CUL7: variants seen among roughly 807,000 people sequenced by gnomAD.
The protein encoded by CUL7 is cullin-7.
A neutral mutation model predicts 177.7 loss-of-function variants in CUL7; 96 were observed. That is an observed-to-expected ratio of 0.54 (90% CI 0.46 to 0.64). CUL7 has a LOEUF of 0.64. Among genes scored for constraint, CUL7 ranks in the 30% least tolerant of loss-of-function variants. CUL7 has a pLI of 0.00. For missense variants in CUL7, 1,893 were observed against 2,187.9 expected, an observed-to-expected ratio of 0.87 and a Z score of 2.69; for synonymous variants, 824 against 890.2, an observed-to-expected ratio of 0.93 and a Z score of 1.32.
rs1055021161 is a variant in CUL7 at position 43,051,568 on chromosome 6, A to G, written c.732+44T>C. On this transcript the variant is annotated intron_variant, in intron 3 of 25. Transcript: ENST00000265348. The surrounding 1 kb of genome is among the most constrained non-coding windows in gnomAD (Gnocchi z 5.0). ...ATAGGTGCAAAGGCCTGGACCCTAG[A>G]TCTTGTTCACAAGTTCCCCCCACCT... 6.2e-7 allele frequency: 1 copy of G among 1,614,070 alleles called. No individual in the cohort carries two copies. Among genetic ancestry groups the G allele is most frequent in the African/African-American group, 1.3e-5 (1 of 75,032 alleles).
chr6:43,053,664 C>T lies in CUL7; in HGVS notation c.-51G>A. On this transcript the variant is annotated 5_prime_UTR_variant, in exon 1 of 26. It adds an upstream start codon to the 5' untranslated region. Coordinates refer to ENST00000265348, the MANE Select transcript of CUL7 (RefSeq NM_014780.5). This position sits in a 1 kb window ranked among gnomAD's most constrained non-coding sequence, Gnocchi z 4.1. ...GTCCTGGCGCGAGGCCTGTCCTTCA[C>T]AGAGCAAGGGACGCGGCACAGACGC... 7.1e-7 allele frequency: 1 copy of T among 1,399,696 alleles called. No individual in the cohort carries two copies. Among genetic ancestry groups the T allele is most frequent in the Non-Finnish European group, 9.2e-7 (1 of 1,082,360 alleles). 86.7% of individuals were successfully genotyped at this position (1,399,696 alleles called of 1,614,324 possible).
At chr6:43,048,623 C>A in intron 7 of CUL7, 54 bp from the exon 8 acceptor site, 1 of 1,188,980 alleles carries the variant, frequency 8.4e-7, no homozygotes, top group East Asian at 2.3e-5. Flanking sequence ...TGTGAAGGCT[C>A]AGAAATAGAT....
At chr6:43,049,712 G>A (rs975337419) in intron 6 of CUL7, 50 bp from the exon 7 acceptor site, 1 of 1,608,602 alleles carries the variant, frequency 6.2e-7, no homozygotes, top group South Asian at 1.1e-5. Context: ...CGACCCAGAG[G>A]CCCCAGGGAG....
chr6:43,046,636 G>A, intron 10 of CUL7, 35 bp from the exon 11 acceptor site: 1 of 1,613,564 alleles, frequency 6.2e-7, no homozygotes, highest in Non-Finnish European at 8.5e-7. Context: ...GGGGCACAGG[G>A]GCAGAAGGAA....
chr6:43,047,677 T>C (rs1764031622), intron 9 of CUL7, among the ~76,000 whole-genome samples: 1 of 152,226 alleles, frequency 6.6e-6, no homozygotes. Context: ...TGGTATGTGA[T>C]GGGCGCTCTG....
At position 43,038,419 on chromosome 6, in the gene CUL7, C is replaced by A. The variant is rs758388977; in HGVS notation, c.4621G>T (p.Val1541Leu). 6.8e-6 allele frequency: 11 copies of A among 1,614,102 alleles called. No homozygotes were observed. Among genetic ancestry groups the A allele is most frequent in the Non-Finnish European group, 6.8e-6 (8 of 1,180,054 alleles). ...TACGTCTGAGGTGGGATGAGCCGCA[C>A]AATGTCCCATCTCGACCTGGGTTCC... ...SKEPRSRWDI[V>L]RLIPPQTYLQ... The change falls in exon 25 of 26, where the codon GTG becomes TTG. Residue 1541 changes from valine (V) to leucine (L), a missense_variant. Around this residue, in one of 5 missense-constraint regions of CUL7, gnomAD observed 248 missense variants for 262.5 expected, o/e 0.94. Coordinates refer to ENST00000265348, the MANE Select transcript of CUL7 (RefSeq NM_014780.5).
rs1197596815 is a variant in CUL7 at position 43,052,265 on chromosome 6, T to A, written c.524A>T (p.Tyr175Phe). The A allele has an allele frequency of 6.2e-7, 1 of 1,614,194 alleles. No individual in the cohort carries two copies. Residue 175 changes from tyrosine to phenylalanine, a missense_variant, in exon 2 of 26, where the codon TAT (tyrosine) becomes TTT (phenylalanine). Transcript: ENST00000265348. The surrounding 1 kb of genome is among the most constrained non-coding windows in gnomAD (Gnocchi z 4.5). ...CCGGCCTGCACTCCAGCGAATCTGATAATCAGGACTACTCAACATGTGCAT... is the reference window on the plus strand; with the variant it reads ...CCGGCCTGCACTCCAGCGAATCTGAAAATCAGGACTACTCAACATGTGCAT... Reference protein sequence around the residue: ...LLMHMLSSPDYQIRWSAGRMI... With the variant: ...LLMHMLSSPDFQIRWSAGRMI...
intron 16 of CUL7, 81 bp downstream of exon 16, chr6:43,044,671 G>C: frequency 6.4e-7 from 1 of 1,551,342 alleles, no homozygotes; most frequent in South Asian, 1.2e-5. Context: ...AATCCAGGTG[G>C]TTCTAGGGTA....
chr6:43,049,929 C>T lies in CUL7; in HGVS notation c.1569+34G>A, dbSNP rs963690969. The T allele has an allele frequency of 2.5e-6, 4 of 1,595,800 alleles. No individual in the cohort carries two copies. In the African/African-American group the frequency reaches 5.4e-5, roughly 21 times the overall value. ...ACAGTCCAGCCCTTGCAATAGAGCC[C>T]TCCAACCTCTGAGTGTCTCCAGGCT... On this transcript the variant is annotated intron_variant, in intron 6 of 25. Transcript: ENST00000265348.
intron 9 of CUL7, chr6:43,047,946 C>A: frequency 1.7e-6 from 1 of 595,160 alleles, no homozygotes; most frequent in South Asian, 2.0e-5. Context: ...TCAGTGTATA[C>A]CTTGTTAGAG....
Position 43,045,936 on chromosome 6 carries a change from G to A in CUL7, c.2766+50C>T. ...GGATAGGGCCAGATAGAAGCAGGAG[G>A]GCAGATCCTGTGAGGGGTGGAGTAA... On this transcript the variant is annotated intron_variant, in intron 13 of 25. Coordinates refer to ENST00000265348, the MANE Select transcript of CUL7 (RefSeq NM_014780.5). The surrounding 1 kb of genome is among the most constrained non-coding windows in gnomAD (Gnocchi z 4.8). The A allele has an allele frequency of 7.0e-7, 1 of 1,437,856 alleles. No individual in the cohort carries two copies. Among genetic ancestry groups the A allele is most frequent in the Non-Finnish European group, 9.8e-7 (1 of 1,021,590 alleles). The allele number at this position is 1,437,856 out of a possible 1,614,324, so 89.1% of individuals were successfully genotyped here.
chr6:43,048,654 C>T (rs1764132728), intron 7 of CUL7, 85 bp from the exon 8 acceptor site: 2 of 949,792 alleles, frequency 2.1e-6, no homozygotes, highest in South Asian at 3.0e-5. Context: ...CAATCTTTTT[C>T]TCTAATTTCT....
At position 43,045,117 on chromosome 6, in the gene CUL7, A is replaced by T. The variant is rs538986875; in HGVS notation, c.3038+110T>A. ...CTCAGAAAACTCCAGCCCCCTCCCC[A>T]CGCATATTAAACCTCCATCTCACAG... On this transcript the variant is annotated intron_variant, in intron 15 of 25. Coordinates refer to ENST00000265348, the MANE Select transcript of CUL7 (RefSeq NM_014780.5). This position sits in a 1 kb window ranked among gnomAD's most constrained non-coding sequence, Gnocchi z 4.8. The T allele has an allele frequency of 7.0e-7, 1 of 1,425,764 alleles. No homozygotes were observed. The highest frequency in any genetic ancestry group is 1.2e-5 in the South Asian group (1 of 81,562). 88.3% of individuals were successfully genotyped at this position (1,425,764 alleles called of 1,614,324 possible).
chr6:43,037,698 G>A lies in CUL7; in HGVS notation c.5087C>T (p.Thr1696Ile). 1 of 1,555,536 alleles carries A rather than the reference G, an allele frequency of 6.4e-7. No individual in the cohort carries two copies. Among genetic ancestry groups the A allele is most frequent in the Non-Finnish European group, 8.7e-7 (1 of 1,149,060 alleles). Residue 1696 changes from threonine (T) to isoleucine (I), a missense_variant, in exon 26 of 26, where the codon ACC (threonine) becomes ATC (isoleucine). Around this residue, in one of 5 missense-constraint regions of CUL7, gnomAD observed 248 missense variants for 262.5 expected, o/e 0.94. Coordinates refer to ENST00000265348, the MANE Select transcript of CUL7 (RefSeq NM_014780.5). ...ASCTATQSFS[T>I]FR ...ACCCCAAGTCTAGGGCTACCGGAAGGTAGAGAAGCTCTGGGTGGCAGTGCA... is the reference window on the plus strand; with the variant it reads ...ACCCCAAGTCTAGGGCTACCGGAAGATAGAGAAGCTCTGGGTGGCAGTGCA...
rs1764391484 is a variant in CUL7, at chr6:43,051,347, A to C, written c.854T>G (p.Leu285Trp). 13 of 1,612,330 alleles carry C rather than the reference A, an allele frequency of 8.1e-6. No homozygotes were observed. Among genetic ancestry groups the C allele is most frequent in the Non-Finnish European group, 1.1e-5 (13 of 1,178,752 alleles). The change falls in exon 4 of 26, where the codon TTG (leucine) becomes TGG (tryptophan). Residue 285 changes from leucine to tryptophan, a missense_variant. Physicochemically the swap from Leu to Trp is moderately conservative, Grantham distance 61 (BLOSUM62 -2). Around this residue, in one of 5 missense-constraint regions of CUL7, gnomAD observed 653 missense variants for 725.2 expected, o/e 0.90. Transcript: ENST00000265348. The surrounding 1 kb of genome is among the most constrained non-coding windows in gnomAD (Gnocchi z 5.0). ...GAQNTSAPEE[L>W]SGERGQLELE... ...CTCCAGTTGACCCCTCTCCCCACTC[A>C]ACTCCTCAGGAGCAGAGGTGTTCTG...
At position 43,049,630 on chromosome 6, in the gene CUL7, G is replaced by A. The variant is rs778647248; in HGVS notation, c.1602C>T (p.Ala534=). 3.1e-6 allele frequency: 5 copies of A among 1,614,030 alleles called. No homozygotes were observed. Among genetic ancestry groups the A allele is most frequent in the Admixed American group, 1.7e-5 (1 of 59,996 alleles). ...ILDDEILAEL[A]VPIELAQDLL... is the part of the protein sequence containing the mutation. ...AGTCCTGGGCCAATTCTATGGGCAC[G>A]GCCAGTTCAGCTAGGATCTCATCAT... Residue 534 remains alanine (A), a synonymous_variant, in exon 7 of 26, where the codon GCC becomes GCT. Transcript: ENST00000265348.
rs370939648 is a variant in CUL7 at position 43,043,093 on chromosome 6, C to T, written c.3443G>A (p.Arg1148Gln). 97 of 1,614,156 alleles carry T rather than the reference C, an allele frequency of 6.0e-5. 2 individuals carry two copies. In the South Asian group the frequency reaches 7.7e-4, roughly 13 times the overall value. The change falls in exon 18 of 26, where the codon CGG (arginine) becomes CAG (glutamine). Residue 1148 changes from arginine to glutamine, a missense_variant. By Grantham distance (43) the Arg-to-Gln change is conservative. Coordinates refer to ENST00000265348, the MANE Select transcript of CUL7 (RefSeq NM_014780.5). The surrounding 1 kb of genome is among the most constrained non-coding windows in gnomAD (Gnocchi z 4.2). ...SIMRNLTRCW[R>Q]AVVEKQVNNF... ...GCCCACCTGCTTCTCCACCACGGCC[C>T]GCCAACAGCGCGTCAGGTTTCTCAT... is the stretch of plus-strand genomic sequence containing the variant.
At position 43,043,975 on chromosome 6, in the gene CUL7, C is replaced by T. The variant is rs1763671458; in HGVS notation, c.3173-345G>A. On this transcript the variant is annotated intron_variant, in intron 16 of 25. Coordinates refer to ENST00000265348, the MANE Select transcript of CUL7 (RefSeq NM_014780.5). This position sits in a 1 kb window ranked among gnomAD's most constrained non-coding sequence, Gnocchi z 4.2. ...GGTGGATCACCTGAGGTCGGGAGTT[C>T]GAGATCAGCCTGACCAACACGGAGA... is the stretch of plus-strand genomic sequence containing the variant. Among the ~76,000 whole-genome samples the T allele has an allele frequency of 6.6e-6, 1 of 151,702 alleles. No homozygotes were observed. The highest frequency in any genetic ancestry group is 2.4e-5 in the African/African-American group (1 of 41,254).
Position 43,052,102 on chromosome 6 carries a change from C to T in CUL7, c.580+107G>A, listed in dbSNP as rs1201067292. ...AACTCTAAGAGAAGGGCAACAGAATCATTTACGTACTGATGAGATCAGAGG... is the reference window on the plus strand; with the variant it reads ...AACTCTAAGAGAAGGGCAACAGAATTATTTACGTACTGATGAGATCAGAGG... On this transcript the variant is annotated intron_variant, in intron 2 of 25. Transcript: ENST00000265348. This position sits in a 1 kb window ranked among gnomAD's most constrained non-coding sequence, Gnocchi z 4.5. 5 of 1,544,272 alleles carry T rather than the reference C, an allele frequency of 3.2e-6. No individual in the cohort carries two copies. Among genetic ancestry groups the T allele is most frequent in the Non-Finnish European group, 4.4e-6 (5 of 1,143,214 alleles).
Sources: gnomAD v4.1 joint callset for allele counts (sites outside exome capture counted in the v4.1 genomes callset) on GRCh38, gnomAD v4.1.1 for gene constraint, gnomAD v4.1.1 regional missense constraint, Gnocchi (gnomAD v3.1) non-coding constraint, MANE v1.5 for transcripts, NCBI Gene and HGNC (gene_info 2026-07-23, HGNC 2026-07-21) for gene names.